SMAP2: variants seen among roughly 807,000 people sequenced by gnomAD.
SMAP2 encodes small ArfGAP2, also known as stromal membrane-associated protein 2.
In SMAP2, 25 loss-of-function variants were observed where a neutral mutation model predicts 56.4. The ratio of observed to expected loss-of-function variants is 0.44; its 90% CI spans 0.32 to 0.62. The LOEUF is 0.62. Ranked by LOEUF, SMAP2 falls within the 20% of genes least tolerant of loss-of-function variation. The pLI is 0.04. For missense variants in SMAP2, 388 were observed against 545.6 expected, an observed-to-expected ratio of 0.71 and a Z score of 2.88; for synonymous variants, 157 against 181.7, an observed-to-expected ratio of 0.86 and a Z score of 1.09.
At chr1:40,370,791 G>A (rs1366543998), upstream of SMAP2, among the ~76,000 whole-genome samples, 1 of 141,304 alleles carries the variant, frequency 7.1e-6, no homozygotes, top group South Asian at 2.3e-4. Flanking sequence ...CACCAGCATG[G>A]CACATGTATA....
intron 1 of SMAP2, among the ~76,000 whole-genome samples, chr1:40,392,922 A>G (rs1644731079): frequency 6.6e-6 from 1 of 151,896 alleles, no homozygotes; most frequent in African/African-American, 2.4e-5. Flanking sequence ...ACATGGTGAA[A>G]CCCCGCTGTC....
intron 1 of SMAP2, among the ~76,000 whole-genome samples, chr1:40,389,640 T>C (rs989217436): frequency 1.3e-5 from 2 of 152,224 alleles, no homozygotes; most frequent in African/African-American, 4.8e-5. Flanking sequence ...GAGCTAGACA[T>C]GAAGCGAATC....
At chr1:40,348,416 C>T (rs192410049) in intron 1 of SMAP2, among the ~76,000 whole-genome samples, 38 of 151,920 alleles carry the variant, frequency 2.5e-4, no homozygotes, top group African/African-American at 8.9e-4. Context: ...AATTTTAGGC[C>T]AGGCACAGTG....
At chr1:40,363,376 T>A (rs996608851) in intron 2 of SMAP2, among the ~76,000 whole-genome samples, 4 of 152,172 alleles carry the variant, frequency 2.6e-5, no homozygotes, top group Admixed American at 1.3e-4. Context: ...TTGAAAATGG[T>A]TGTCTCAGAG....
rs186636941 is a variant in SMAP2 at position 40,391,114 on chromosome 1, G to A, written c.104-15622G>A. 6.2e-4 allele frequency among the ~76,000 whole-genome samples: 94 copies of A among 152,170 alleles called. No homozygotes were observed. In the Middle Eastern group the frequency reaches 0.01, roughly 17 times the overall value. ...GTAGCTCTTCCCTACCCCTCTGCCC[G>A]TTGTGACAACCAAAAATGTCTCTAG... On this transcript the variant is annotated intron_variant, in intron 1 of 9. Transcript: ENST00000372718.
At chr1:40,364,799 T>TGA (rs1644474836) in intron 2 of SMAP2, 1 of 152,484 alleles carries the variant, frequency 6.6e-6, no homozygotes, top group Non-Finnish European at 1.5e-5. Context: ...GACATCAAGG[T>TGA]GCTGAAAAGC....
At chr1:40,344,895 A>G (rs952588139) in exon 1 of SMAP2, 3 of 151,440 alleles carry the variant, frequency 2.0e-5, no homozygotes, top group Non-Finnish European at 4.4e-5. Context: ...TTGAGCCACA[A>G]CTGTCACAAC....
intron 1 of SMAP2, among the ~76,000 whole-genome samples, chr1:40,406,326 G>A (rs1644885898): frequency 6.6e-6 from 1 of 152,160 alleles, no homozygotes; most frequent in Non-Finnish European, 1.5e-5. Flanking sequence ...ATGCACAAAT[G>A]CCCACTTATT....
At chr1:40,352,707 T>C (rs758522938) in intron 1 of SMAP2, among the ~76,000 whole-genome samples, 2 of 151,960 alleles carry the variant, frequency 1.3e-5, no homozygotes, top group Non-Finnish European at 1.5e-5. Flanking sequence ...TTTAAAAAGT[T>C]TGTAGAGACA....
chr1:40,359,228 A>C (rs1330130737), intron 1 of SMAP2, among the ~76,000 whole-genome samples: 2 of 152,196 alleles, frequency 1.3e-5, no homozygotes, highest in South Asian at 4.1e-4. Flanking sequence ...TCAGCCTCCC[A>C]AGTAGCTGGA....
chr1:40,352,827 G>A (rs995057940), intron 1 of SMAP2, among the ~76,000 whole-genome samples: 4 of 152,100 alleles, frequency 2.6e-5, no homozygotes, highest in Non-Finnish European at 4.4e-5. Flanking sequence ...CACACGCGGC[G>A]CCTCCTCCTC....
chr1:40,392,628 G>T (rs1644727953), intron 1 of SMAP2, among the ~76,000 whole-genome samples: 1 of 152,138 alleles, frequency 6.6e-6, no homozygotes, highest in Non-Finnish European at 1.5e-5. Flanking sequence ...TTTGTGTAAA[G>T]GAAATTGGCT....
At chr1:40,376,001 A>C (rs1479778082) in intron 1 of SMAP2, among the ~76,000 whole-genome samples, 1 of 151,866 alleles carries the variant, frequency 6.6e-6, no homozygotes, top group Non-Finnish European at 1.5e-5. Flanking sequence ...CCCAGGCTGG[A>C]GTGCAATGGT....
intron 1 of SMAP2, among the ~76,000 whole-genome samples, chr1:40,398,651 T>C (rs948899429): frequency 1.3e-5 from 2 of 152,116 alleles, no homozygotes; most frequent in Non-Finnish European, 2.9e-5. Flanking sequence ...TTCTTACAAG[T>C]GGGGTCAAAG....
intron 1 of SMAP2, chr1:40,375,785 T>C: frequency 3.0e-6 from 3 of 984,430 alleles, no homozygotes; most frequent in Non-Finnish European, 3.6e-6. Context: ...GGAGTGAGCA[T>C]TGCTGCATTT....
chr1:40,345,782 C>T (rs1423136237), intron 1 of SMAP2, among the ~76,000 whole-genome samples: 1 of 149,414 alleles, frequency 6.7e-6, no homozygotes, highest in African/African-American at 2.4e-5. Flanking sequence ...GTTAAATTTG[C>T]ATTTGGCTGG....
At chr1:40,352,785 C>A (rs777331268) in intron 1 of SMAP2, among the ~76,000 whole-genome samples, 33 of 152,124 alleles carry the variant, frequency 2.2e-4, no homozygotes, top group Non-Finnish European at 4.6e-4. Context: ...TCCTTGGCCT[C>A]CTAAAGCTCT....
intron 1 of SMAP2, chr1:40,403,565 A>T (rs1044818840): frequency 1.7e-6 from 1 of 603,484 alleles, no homozygotes; most frequent in East Asian, 1.4e-4. Context: ...TATATATTAC[A>T]TATATGAATG....
chr1:40,394,978 G>A (rs1009556925), intron 1 of SMAP2, among the ~76,000 whole-genome samples: 6 of 152,160 alleles, frequency 3.9e-5, no homozygotes, highest in Non-Finnish European at 5.9e-5. Context: ...AACATGACAA[G>A]TGGCATCTAT....
Sources: gnomAD v4.1 joint callset for allele counts (sites outside exome capture counted in the v4.1 genomes callset) on GRCh38, gnomAD v4.1.1 for gene constraint, MANE v1.5 for transcripts, NCBI Gene and HGNC (gene_info 2026-07-23, HGNC 2026-07-21) for gene names.